Variants in PDE4DIP observed in about 807,000 individuals in gnomAD.
PDE4DIP encodes myomegalin.
A neutral mutation model predicts 221.4 loss-of-function variants in PDE4DIP; 59 were observed. The ratio of observed to expected loss-of-function variants is 0.27; its 90% CI spans 0.22 to 0.33. The LOEUF (loss-of-function observed/expected upper bound fraction) is 0.33, where lower values mean the gene tolerates loss of function less well. Ranked by LOEUF, PDE4DIP falls within the 10% of genes least tolerant of loss-of-function variation. The pLI is 1.00. For synonymous variants in PDE4DIP, 404 were observed against 815.9 expected (o/e 0.50, Z 8.60); for missense variants, 1,036 against 2,154.2 (o/e 0.48, Z 10.28).
intron 41 of PDE4DIP, among the ~76,000 whole-genome samples, chr1:149,028,918 C>T (rs1553633189): frequency 6.6e-6 from 1 of 152,118 alleles, no homozygotes; most frequent in African/African-American, 2.4e-5. Flanking sequence ...CCCACCAGCC[C>T]CCTGTCCCCT....
At chr1:149,014,539 C>T (rs587725603) in intron 32 of PDE4DIP, among the ~76,000 whole-genome samples, 46 of 47,064 alleles carry the variant, frequency 9.8e-4, no homozygotes, top group African/African-American at 2.9e-3. Flanking sequence ...TTTGCCCAAA[C>T]GGAAGGATGG....
rs1553614334 is a variant in PDE4DIP at position 149,018,536 on chromosome 1, G to A, written c.5651-6G>A. 1.1e-6 allele frequency: 1 copy of A among 911,972 alleles called. No individual in the cohort carries two copies. The highest frequency in any genetic ancestry group is 1.7e-5 in the African/African-American group (1 of 59,494). 56.5% of individuals were successfully genotyped at this position (911,972 alleles called of 1,614,324 possible). A position where few individuals can be genotyped will look rare whatever the true frequency, so the allele number is the denominator to read the frequency against. On this transcript the variant is annotated splice_region_variant and splice_polypyrimidine_tract_variant and intron_variant, in intron 34 of 43. Coordinates refer to ENST00000369354, the Ensembl canonical transcript of PDE4DIP. Reference sequence around the variant, plus strand: ...CTGTTACCCAAATGTCTACTTTCTGGGACAGGATCCACTTCTAACTTCTAC... The same window carrying A: ...CTGTTACCCAAATGTCTACTTTCTGAGACAGGATCCACTTCTAACTTCTAC...
intron 21 of PDE4DIP, chr1:148,990,178 G>A (rs1553555662): frequency 1.0e-6 from 1 of 981,848 alleles, no homozygotes; most frequent in African/African-American, 1.8e-5. Context: ...ATATATAGAT[G>A]TGAACTGCCC....
chr1:149,005,817 G>A (rs1195085716), intron 27 of PDE4DIP, among the ~76,000 whole-genome samples: 1 of 151,684 alleles, frequency 6.6e-6, no homozygotes, highest in Non-Finnish European at 1.5e-5. Flanking sequence ...CTCAAAGGGT[G>A]GATATTAGGT....
At chr1:148,989,306 T>C (rs2062533573) in intron 21 of PDE4DIP, 2 of 746,192 alleles carry the variant, frequency 2.7e-6, no homozygotes, top group Non-Finnish European at 3.4e-6. Context: ...AAAGAGAGAA[T>C]GAAGGGGAAG....
In PDE4DIP at chr1:148,863,234, G is replaced by T. The variant is rs56185836; in HGVS notation, c.234-16G>T. 1.9e-4 allele frequency: 76 copies of T among 404,636 alleles called. 9 individuals carry two copies. The Middle Eastern group carries it at 2.3e-3, about 12-fold the overall frequency. 25.1% of individuals were successfully genotyped at this position (404,636 alleles called of 1,614,324 possible). A position where few individuals can be genotyped will look rare whatever the true frequency, so the allele number is the denominator to read the frequency against. ...GGGTAGTATCTCATTAATTAATGAT[G>T]TGTTTGCCTCCACAGAGATTATTTT... On this transcript the variant is annotated splice_polypyrimidine_tract_variant and intron_variant, in intron 1 of 45. Transcript: ENST00000524974.
intron 1 of PDE4DIP, among the ~76,000 whole-genome samples, chr1:148,823,848 A>G (rs1553363216): frequency 1.3e-5 from 2 of 150,764 alleles, no homozygotes; most frequent in East Asian, 1.9e-4. Flanking sequence ...CTTTGGTGGT[A>G]TATTCTACAG....
intron 22 of PDE4DIP, among the ~76,000 whole-genome samples, chr1:148,997,801 C>G (rs1279718511): frequency 6.6e-6 from 1 of 152,284 alleles, no homozygotes; most frequent in African/African-American, 2.4e-5. Context: ...GGCTCTGTCT[C>G]CTCAGGAAGA....
chr1:148,996,208 CATTATTTT>C lies in PDE4DIP; in HGVS notation c.2905-1934_2905-1927del, dbSNP rs2064192293. 3.3e-5 allele frequency among the ~76,000 whole-genome samples: 5 copies of C among 152,200 alleles called. No individual in the cohort carries two copies. In the South Asian group the frequency reaches 1.0e-3, roughly 32 times the overall value. On this transcript the variant is annotated intron_variant, in intron 22 of 43. Transcript: ENST00000369354. ...ATGGGTAAACTTCATTAAAGTTAGA[CATTATTTT>C]TAAGCAGAAGGAACCCTTAAGGCCT...
At chr1:148,927,652 A>T (rs1160717878) in intron 1 of PDE4DIP, among the ~76,000 whole-genome samples, 7 of 151,698 alleles carry the variant, frequency 4.6e-5, no homozygotes, top group African/African-American at 1.7e-4. Flanking sequence ...ACTACTTTTC[A>T]TACTTTAGCT....
chr1:148,844,003 G>C (rs3845330), intron 1 of PDE4DIP, among the ~76,000 whole-genome samples: 1 of 24,486 alleles, frequency 4.1e-5, no homozygotes, highest in Admixed American at 4.1e-4. Flanking sequence ...GGTGAAACTG[G>C]CATGTCACAT....
chr1:149,031,699 AG>A (rs2076773942), intron 43 of PDE4DIP, among the ~76,000 whole-genome samples: 1 of 143,748 alleles, frequency 7.0e-6, no homozygotes, highest in African/African-American at 2.6e-5. Context: ...GGTAGGATCC[AG>A]CCACCCAGTG....
chr1:148,968,959 C>T lies in PDE4DIP; in HGVS notation c.1909C>T (p.Gln637Ter). 6.2e-7 allele frequency: 1 copy of T among 1,612,004 alleles called. No individual in the cohort carries two copies. The highest frequency in any genetic ancestry group is 8.5e-7 in the Non-Finnish European group (1 of 1,178,002). Reference sequence around the variant, plus strand: ...GGACCTTCTAAGTGATCGAAATAAACAAGTGCTGGAACATGAAATGGAGAT... The same window carrying T: ...GGACCTTCTAAGTGATCGAAATAAATAAGTGCTGGAACATGAAATGGAGAT... Residue 637 changes from glutamine (Q) to a stop codon, truncating the protein, a stop_gained, in exon 14 of 44, where the codon CAA becomes TAA. Coordinates refer to ENST00000369354, the Ensembl canonical transcript of PDE4DIP. LOFTEE classifies it high-confidence loss of function.
intron 14 of PDE4DIP, among the ~76,000 whole-genome samples, chr1:148,970,575 G>A (rs1342222832): frequency 4.0e-5 from 6 of 151,158 alleles, no homozygotes; most frequent in Admixed American, 2.0e-4. Flanking sequence ...TGTAGATTGT[G>A]GAGCTCAACT....
intron 20 of PDE4DIP, among the ~76,000 whole-genome samples, chr1:148,980,664 T>A (rs2060935063): frequency 6.6e-6 from 1 of 152,140 alleles, no homozygotes. Context: ...TTATTTTTGC[T>A]ATTCAGTTTC....
intron 1 of PDE4DIP, among the ~76,000 whole-genome samples, chr1:148,838,635 T>C (rs1391178704): frequency 8.0e-6 from 1 of 124,440 alleles, no homozygotes; most frequent in African/African-American, 2.8e-5. Flanking sequence ...AAAAACCAAA[T>C]GGCTCCTTTT....
intron 1 of PDE4DIP, among the ~76,000 whole-genome samples, chr1:148,919,367 G>A (rs2044908294): frequency 6.6e-6 from 1 of 151,448 alleles, no homozygotes; most frequent in African/African-American, 2.5e-5. Context: ...GGGAGTTAAT[G>A]TTAGCCAGAT....
intron 14 of PDE4DIP, among the ~76,000 whole-genome samples, chr1:148,971,533 G>T (rs1368341529): frequency 2.0e-5 from 3 of 152,184 alleles, no homozygotes; most frequent in African/African-American, 7.2e-5. Flanking sequence ...ACATTTTGAA[G>T]TGATTGCCAC....
intron 1 of PDE4DIP, chr1:148,844,585 C>T (rs1676014134): frequency 1.1e-5 from 1 of 88,264 alleles, no homozygotes; most frequent in Non-Finnish European, 2.7e-5. Context: ...GCAGGTTCGG[C>T]CACGTCAAAT....
Sources: allele counts gnomAD v4.1 joint callset (sites outside exome capture counted in the v4.1 genomes callset), GRCh38; gene constraint gnomAD v4.1.1; transcripts MANE v1.5; gene names NCBI Gene and HGNC (gene_info 2026-07-23, HGNC 2026-07-21).